Variants in TOPAZ1 observed in about 807,000 individuals in gnomAD.
TOPAZ1 encodes protein TOPAZ1.
In TOPAZ1, 66 loss-of-function variants were observed where a neutral mutation model predicts 172.2. That is an observed-to-expected ratio of 0.38 (90% CI 0.31 to 0.47). The LOEUF is 0.47. TOPAZ1 is among the 20% of genes least tolerant of loss of function. The pLI is 0.99. For synonymous variants in TOPAZ1, 681 were observed against 683.9 expected (o/e 1.00, Z 0.07); for missense variants, 1,822 against 1,972.4 (o/e 0.92, Z 1.44).
chr3:44,274,845 G>A (rs930110780), intron 8 of TOPAZ1, among the ~76,000 whole-genome samples: 9 of 150,728 alleles, frequency 6.0e-5, no homozygotes, highest in African/African-American at 1.5e-4. Context: ...CATTGCACCC[G>A]GCCGCCTTTA....
intron 12 of TOPAZ1, among the ~76,000 whole-genome samples, chr3:44,291,245 A>C (rs891392350): frequency 1.3e-5 from 2 of 152,056 alleles, no homozygotes; most frequent in African/African-American, 4.8e-5. Flanking sequence ...AGCTTAATAA[A>C]ATACTTTAGT....
At chr3:44,261,468 G>T (rs1699774939) in intron 4 of TOPAZ1, among the ~76,000 whole-genome samples, 1 of 152,008 alleles carries the variant, frequency 6.6e-6, no homozygotes, top group African/African-American at 2.4e-5. Context: ...ATGGTTGTAG[G>T]TGTGCAGCCT....
intron 8 of TOPAZ1, 52 bp downstream of exon 8, chr3:44,270,862 T>A (rs552647827): frequency 1.4e-6 from 2 of 1,444,056 alleles, no homozygotes; most frequent in South Asian, 1.5e-5. Flanking sequence ...ACTATCTCAG[T>A]CATGCATTTT....
chr3:44,256,288 G>T lies in TOPAZ1; in HGVS notation c.2955+10G>T. On this transcript the variant is annotated intron_variant, in intron 4 of 19. Transcript: ENST00000309765. ...AGACTTGGATGAAAAGGTACTAGGG[G>T]ATCTTTTGTGTTTTTTTATTTCTTG... 1 of 1,506,748 alleles carries T rather than the reference G, an allele frequency of 6.6e-7. No homozygotes were observed. The highest frequency in any genetic ancestry group is 1.3e-5 in the South Asian group (1 of 75,164). The allele number at this position is 1,506,748 out of a possible 1,614,324, so 93.3% of individuals were successfully genotyped here.
Position 44,287,727 on chromosome 3 carries a change from A to G in TOPAZ1, c.3589-20A>G. On this transcript the variant is annotated intron_variant, in intron 10 of 19. Transcript: ENST00000309765. ...TAAAAGAAGATCTGAAAATGAGTGT[A>G]ATTTTTTTGTTTTATCCAGCCTTCT... The G allele has an allele frequency of 7.9e-7, 1 of 1,272,342 alleles. No individual in the cohort carries two copies. Among genetic ancestry groups the G allele is most frequent in the South Asian group, 1.4e-5 (1 of 69,790 alleles). The allele number at this position is 1,272,342 out of a possible 1,614,324, so 78.8% of individuals were successfully genotyped here.
chr3:44,307,804 T>A (rs1485708840), intron 15 of TOPAZ1, among the ~76,000 whole-genome samples: 1 of 152,190 alleles, frequency 6.6e-6, no homozygotes, highest in Non-Finnish European at 1.5e-5. Flanking sequence ...ATAGTAGGTC[T>A]CCAGGCTCAA....
At chr3:44,287,189 T>C (rs1489120383) in intron 9 of TOPAZ1, among the ~76,000 whole-genome samples, 200 bp from the exon 10 acceptor site, 2 of 152,230 alleles carry the variant, frequency 1.3e-5, no homozygotes, top group Non-Finnish European at 2.9e-5. Flanking sequence ...CTGAGCATGC[T>C]TGGTTGACTT....
intron 12 of TOPAZ1, among the ~76,000 whole-genome samples, chr3:44,292,081 C>T (rs544658090): frequency 3.3e-5 from 5 of 152,236 alleles, no homozygotes; most frequent in Admixed American, 3.3e-4. Context: ...GGGGAGTTTG[C>T]CATTGTGCCC....
intron 5 of TOPAZ1, among the ~76,000 whole-genome samples, chr3:44,264,883 T>C (rs928966958): frequency 5.3e-5 from 8 of 152,228 alleles, no homozygotes; most frequent in Admixed American, 2.0e-4. Context: ...TCAAGTTTTA[T>C]CATGAGATTG....
intron 1 of TOPAZ1, 112 bp from the exon 2 acceptor site, chr3:44,242,741 C>T (rs1699500690): frequency 1.2e-6 from 1 of 833,054 alleles, no homozygotes; most frequent in South Asian, 2.1e-5. Flanking sequence ...TATTTACATA[C>T]AGCTGTTCAG....
At chr3:44,310,453 C>T (rs145237219) in intron 16 of TOPAZ1, among the ~76,000 whole-genome samples, 11 of 152,050 alleles carry the variant, frequency 7.2e-5, no homozygotes, top group African/African-American at 2.7e-4. Flanking sequence ...GAGCCGAGAT[C>T]GCGCAATTGC....
intron 9 of TOPAZ1, among the ~76,000 whole-genome samples, chr3:44,285,620 A>C (rs1700069927): frequency 6.6e-6 from 1 of 151,302 alleles, no homozygotes; most frequent in Non-Finnish European, 1.5e-5. Context: ...CCCAGGCTGG[A>C]GTGCAGTCGC....
chr3:44,243,139 T>C lies in TOPAZ1; in HGVS notation c.633T>C (p.Cys211=). ...ELYKNTPKYS[C]NILSPEVENN... ...ACAAGAATACTCCAAAATATTCTTG[T>C]AATATCTTGTCACCTGAAGTAGAAA... The change falls in exon 2 of 20, where the codon TGT becomes TGC. Residue 211 remains cysteine, a synonymous_variant. Transcript: ENST00000309765. The C allele has an allele frequency of 1.3e-6, 2 of 1,549,444 alleles. No homozygotes were observed. Among genetic ancestry groups the C allele is most frequent in the Non-Finnish European group, 1.7e-6 (2 of 1,145,736 alleles).
chr3:44,321,225 TTG>T, intron 17 of TOPAZ1, 34 bp downstream of exon 17: 1 of 1,453,708 alleles, frequency 6.9e-7, no homozygotes. Flanking sequence ...TAATTATCTC[TTG>T]CCCATCTGGT....
chr3:44,269,883 G>A (rs1699876849), intron 7 of TOPAZ1, among the ~76,000 whole-genome samples: 1 of 151,986 alleles, frequency 6.6e-6, no homozygotes, highest in Non-Finnish European at 1.5e-5. Context: ...TCCTTCCTTG[G>A]GCTCCCAAAG....
intron 2 of TOPAZ1, among the ~76,000 whole-genome samples, chr3:44,246,315 A>G (rs1699566322): frequency 6.6e-6 from 1 of 152,210 alleles, no homozygotes. Context: ...TAATTCCTGA[A>G]GCCGTTATTT....
At chr3:44,299,625 T>G (rs1191517950) in intron 12 of TOPAZ1, among the ~76,000 whole-genome samples, 4 of 152,088 alleles carry the variant, frequency 2.6e-5, no homozygotes, top group Non-Finnish European at 4.4e-5. Context: ...GGACTACAAA[T>G]CATGCTGCTA....
chr3:44,313,667 T>C (rs1439592005), intron 16 of TOPAZ1, among the ~76,000 whole-genome samples: 1 of 151,720 alleles, frequency 6.6e-6, no homozygotes, highest in African/African-American at 2.4e-5. Flanking sequence ...CTTAGAGAGT[T>C]ATTTCCTTTA....
chr3:44,271,840 G>GA (rs773470241), intron 8 of TOPAZ1, among the ~76,000 whole-genome samples: 25 of 150,972 alleles, frequency 1.7e-4, no homozygotes, highest in African/African-American at 5.6e-4. Flanking sequence ...AGATATCAAA[G>GA]AAAAAAAAAC....
Sources: gnomAD v4.1 joint callset for allele counts (sites outside exome capture counted in the v4.1 genomes callset) on GRCh38, gnomAD v4.1.1 for gene constraint, MANE v1.5 for transcripts, NCBI Gene and HGNC (gene_info 2026-07-23, HGNC 2026-07-21) for gene names.